Variants in DNAH8 observed in about 807,000 individuals in gnomAD.
The protein encoded by DNAH8 is axonemal beta dynein heavy chain 8.
In DNAH8, 382 loss-of-function variants were observed where a neutral mutation model predicts 562.1. That is an observed-to-expected ratio of 0.68 (90% CI 0.63 to 0.74). The LOEUF (loss-of-function observed/expected upper bound fraction) is 0.74, where lower values mean the gene tolerates loss of function less well. DNAH8 is among the 30% of genes least tolerant of loss of function. The pLI is 0.00. For synonymous variants in DNAH8, 1,881 were observed against 1,919.4 expected (o/e 0.98, Z 0.52); for missense variants, 5,203 against 5,620.4 (o/e 0.93, Z 2.37).
chr6:38,826,420 G>A (rs764844784), intron 29 of DNAH8, 29 bp downstream of exon 29: 92 of 1,446,242 alleles, frequency 6.4e-5, no homozygotes, highest in Non-Finnish European at 8.6e-5. Context: ...TTTTTTTCTT[G>A]GAATGCTTTT....
intron 18 of DNAH8, among the ~76,000 whole-genome samples, chr6:38,787,290 A>G (rs1769262162): frequency 6.6e-6 from 1 of 152,154 alleles, no homozygotes; most frequent in Admixed American, 6.5e-5. Context: ...TAAGATATAA[A>G]TTAATAAAGT....
At chr6:38,947,658 C>G (rs1385855473) in intron 80 of DNAH8, among the ~76,000 whole-genome samples, 1 of 152,136 alleles carries the variant, frequency 6.6e-6, no homozygotes, top group Non-Finnish European at 1.5e-5. Flanking sequence ...CCCTGGCATG[C>G]AGGCATCTTC....
At chr6:38,743,011 T>G (rs1764647214) in intron 8 of DNAH8, among the ~76,000 whole-genome samples, 36 of 108,788 alleles carry the variant, frequency 3.3e-4, no homozygotes, top group Admixed American at 7.2e-4. Context: ...GTTGTGCTTT[T>G]TTTTTTTTTT....
Position 39,008,716 on chromosome 6 carries a change from C to G in DNAH8, c.13215-98C>G, listed in dbSNP as rs535893196. The G allele has an allele frequency of 8.4e-5, 39 of 464,872 alleles. No individual in the cohort carries two copies. In the East Asian group the frequency reaches 1.3e-3, roughly 16 times the overall value. The allele number at this position is 464,872 out of a possible 1,614,324, so 28.8% of individuals were successfully genotyped here. A position where few individuals can be genotyped will look rare whatever the true frequency, so the allele number is the denominator to read the frequency against. ...TTCTTTTTTTTTTTTTTGTAGCTTG[C>G]TTTGATTTAAGTGATTCTATCAGTT... On this transcript the variant is annotated intron_variant, in intron 88 of 92. Transcript: ENST00000327475.
chr6:39,004,067 T>C (rs1015722554), intron 88 of DNAH8, among the ~76,000 whole-genome samples: 5 of 152,176 alleles, frequency 3.3e-5, no homozygotes, highest in African/African-American at 1.2e-4. Flanking sequence ...CGTCAGTTCT[T>C]ATTTTGGTCT....
Position 38,852,715 on chromosome 6 carries a change from G to A in DNAH8, c.5488G>A (p.Asp1830Asn). 1 of 1,613,576 alleles carries A rather than the reference G, an allele frequency of 6.2e-7. No individual in the cohort carries two copies. Among genetic ancestry groups the A allele is most frequent in the Non-Finnish European group, 8.5e-7 (1 of 1,179,710 alleles). The stretch of plus-strand genomic sequence containing the variant: ...ACAGCCGCATCTCCCTGCAGTATCT[G>A]ACAACATCAATGAGGTGACATTTCA... Reference protein sequence around the residue: ...TIQPHLPAVSDNINEVTFHAK... With the variant: ...TIQPHLPAVSNNINEVTFHAK... Residue 1830 changes from aspartate to asparagine, a missense_variant, in exon 40 of 93, where the codon GAC becomes AAC. Transcript: ENST00000327475.
At position 38,982,684 on chromosome 6, in the gene DNAH8, G is replaced by A. The variant is rs79910731; in HGVS notation, c.12951+222G>A. ...CTAACTCAGTGTGTTGCAAAATACCGCAGCCTTCCTCATGTTACACTCAGG... is the reference window on the plus strand; with the variant it reads ...CTAACTCAGTGTGTTGCAAAATACCACAGCCTTCCTCATGTTACACTCAGG... On this transcript the variant is annotated intron_variant, in intron 86 of 92. Coordinates refer to ENST00000327475, the MANE Select transcript of DNAH8 (RefSeq NM_001206927.2). 0.017 allele frequency among the ~76,000 whole-genome samples: 2,591 copies of A among 152,152 alleles called. 73 individuals carry two copies. The highest frequency in any genetic ancestry group is 0.059 in the African/African-American group (2,451 of 41,480).
chr6:38,743,007 CTTTTTTTTTTTTT>C (rs11340457), intron 8 of DNAH8, among the ~76,000 whole-genome samples: 20 of 52,004 alleles, frequency 3.8e-4, no homozygotes, highest in Non-Finnish European at 4.8e-4. Flanking sequence ...TGTTGTTGTG[CTTTTTTTTTTTTT>C]TTTTTTTTTT....
chr6:39,013,694 T>C (rs141981699), intron 91 of DNAH8, among the ~76,000 whole-genome samples: 230 of 152,130 alleles, frequency 1.5e-3, no homozygotes, highest in African/African-American at 5.2e-3. Context: ...CTACAAAAAA[T>C]ATAAAAATTA....
At chr6:38,863,839 T>TATAGAG in intron 44 of DNAH8, 34 bp from the exon 45 acceptor site, 2 of 1,551,104 alleles carry the variant, frequency 1.3e-6, no homozygotes, top group Non-Finnish European at 1.7e-6. Flanking sequence ...TATTATAGAG[T>TATAGAG]AAAACTTTAC....
chr6:38,983,594 C>T (rs955590034), intron 86 of DNAH8, among the ~76,000 whole-genome samples: 2 of 152,112 alleles, frequency 1.3e-5, no homozygotes, highest in African/African-American at 2.4e-5. Context: ...AGCAAATATC[C>T]TTATTTCTCG....
intron 22 of DNAH8, among the ~76,000 whole-genome samples, chr6:38,804,650 A>G (rs962132960): frequency 1.3e-5 from 2 of 152,078 alleles, no homozygotes; most frequent in African/African-American, 4.8e-5. Flanking sequence ...GATGAAGTTA[A>G]TTAGCTAATT....
intron 79 of DNAH8, among the ~76,000 whole-genome samples, chr6:38,945,247 T>G (rs1276285849): frequency 6.6e-6 from 1 of 152,218 alleles, no homozygotes; most frequent in Non-Finnish European, 1.5e-5. Flanking sequence ...ATGACAGAGT[T>G]GTTATTTATA....
intron 30 of DNAH8, among the ~76,000 whole-genome samples, chr6:38,830,462 G>T (rs918206979): frequency 6.6e-6 from 1 of 151,448 alleles, no homozygotes; most frequent in Non-Finnish European, 1.5e-5. Flanking sequence ...GTGAAACCCT[G>T]CCTCTACTAA....
intron 82 of DNAH8, among the ~76,000 whole-genome samples, chr6:38,958,204 AC>A (rs1762381972): frequency 6.6e-6 from 1 of 151,682 alleles, no homozygotes; most frequent in Non-Finnish European, 1.5e-5. Context: ...ACGGGGTTTC[AC>A]CATGTTAGCC....
intron 31 of DNAH8, among the ~76,000 whole-genome samples, chr6:38,832,666 A>G (rs1286081816): frequency 6.6e-6 from 1 of 152,230 alleles, no homozygotes; most frequent in Non-Finnish European, 1.5e-5. Flanking sequence ...CACATAAAAT[A>G]CGCTAACACT....
At chr6:38,887,646 G>A (rs1172618341) in intron 57 of DNAH8, among the ~76,000 whole-genome samples, 1 of 152,056 alleles carries the variant, frequency 6.6e-6, no homozygotes, top group African/African-American at 2.4e-5. Context: ...GGTCAAGGCT[G>A]CAGTGAGCTA....
chr6:38,874,400 C>T (rs988362620), intron 52 of DNAH8, among the ~76,000 whole-genome samples: 1 of 149,708 alleles, frequency 6.7e-6, no homozygotes, highest in Non-Finnish European at 1.5e-5. Flanking sequence ...AAGGTCTTGC[C>T]TGTTGCCCAG....
chr6:38,998,540 T>G (rs1028519636), intron 88 of DNAH8, among the ~76,000 whole-genome samples: 22 of 152,224 alleles, frequency 1.4e-4, no homozygotes, highest in African/African-American at 5.1e-4. Flanking sequence ...CCTTGAGTAT[T>G]TGAGGACACT....
Sources: gnomAD v4.1 joint callset for allele counts (sites outside exome capture counted in the v4.1 genomes callset) on GRCh38, gnomAD v4.1.1 for gene constraint, MANE v1.5 for transcripts, NCBI Gene and HGNC (gene_info 2026-07-23, HGNC 2026-07-21) for gene names.